Variants in CNKSR3 observed in about 807,000 individuals in gnomAD.
The protein encoded by CNKSR3 is CNKSR family member 3.
CNKSR3 carries 36 observed loss-of-function variants against 67.7 expected under a neutral mutation model. The ratio of observed to expected loss-of-function variants is 0.53; its 90% CI spans 0.41 to 0.70. The LOEUF (loss-of-function observed/expected upper bound fraction) is 0.70, where lower values mean the gene tolerates loss of function less well. Among genes scored for constraint, CNKSR3 ranks in the 30% least tolerant of loss-of-function variants. CNKSR3 has a pLI of 0.00. For missense variants in CNKSR3, 630 were observed against 695.2 expected, an observed-to-expected ratio of 0.91 and a Z score of 1.05; for synonymous variants, 281 against 271.4, an observed-to-expected ratio of 1.04 and a Z score of -0.35.
At chr6:154,454,107 AGAGAGAGAGAG>A (rs1785899677) in intron 1 of CNKSR3, among the ~76,000 whole-genome samples, 1 of 17,078 alleles carries the variant, frequency 5.9e-5, no homozygotes, top group African/African-American at 1.2e-4. Flanking sequence ...ACACACACAG[AGAGAGAGAGAG>A]AGAGAGAGAG....
chr6:154,462,493 T>C (rs1023256949), intron 1 of CNKSR3, among the ~76,000 whole-genome samples: 2 of 152,174 alleles, frequency 1.3e-5, no homozygotes, highest in Non-Finnish European at 2.9e-5. Flanking sequence ...AATGCACAAC[T>C]TCAATGCTCT....
At chr6:154,408,804 T>G (rs1334583817) in intron 12 of CNKSR3, among the ~76,000 whole-genome samples, 1 of 152,232 alleles carries the variant, frequency 6.6e-6, no homozygotes, top group African/African-American at 2.4e-5. Context: ...AACTGTTATT[T>G]TTTTAAGTGG....
chr6:154,484,695 C>CAAAAA (rs1166789172), intron 1 of CNKSR3, among the ~76,000 whole-genome samples: 9 of 65,516 alleles, frequency 1.4e-4, no homozygotes, highest in African/African-American at 3.7e-4. Context: ...GAGCAAGACT[C>CAAAAA]AAAAAAAAAA....
chr6:154,393,575 A>T lies in CNKSR3; in HGVS notation c.*12779T>A, dbSNP rs892096563. 3 of 152,208 alleles carry T rather than the reference A, an allele frequency of 2.0e-5. No individual in the cohort carries two copies. Among genetic ancestry groups the T allele is most frequent in the African/African-American group, 7.2e-5 (3 of 41,446 alleles). 9.4% of individuals were successfully genotyped at this position (152,208 alleles called of 1,614,324 possible). On this transcript the variant is annotated 3_prime_UTR_variant, in exon 13 of 13. Coordinates refer to ENST00000607772, the MANE Select transcript of CNKSR3 (RefSeq NM_173515.4). ...TATATTCTTACTGCTAACCCTTAGG[A>T]CTTTTTAATCTTCTCCCAATTTGTA...
At chr6:154,459,861 CAA>C (rs929782295) in intron 1 of CNKSR3, among the ~76,000 whole-genome samples, 6 of 152,208 alleles carry the variant, frequency 3.9e-5, no homozygotes, top group Non-Finnish European at 8.8e-5. Flanking sequence ...AACCAGAAAA[CAA>C]CAGTCAGACG....
intron 4 of CNKSR3, among the ~76,000 whole-genome samples, chr6:154,435,646 C>T (rs72995423): frequency 0.11 from 16,607 of 152,280 alleles, 1,291 homozygotes; most frequent in Non-Finnish European, 0.17. Flanking sequence ...TGTTTTTTGG[C>T]ATGAAGGCAA....
At chr6:154,475,330 CT>C (rs1163975635) in intron 1 of CNKSR3, among the ~76,000 whole-genome samples, 2 of 152,266 alleles carry the variant, frequency 1.3e-5, no homozygotes, top group African/African-American at 4.8e-5. Flanking sequence ...ATCTCTCCCC[CT>C]GGGCGCCCTT....
In CNKSR3 at chr6:154,397,267, T is replaced by G. The variant is rs149312747; in HGVS notation, c.*9087A>C. 44 of 152,316 alleles carry G rather than the reference T, an allele frequency of 2.9e-4. No individual in the cohort carries two copies. The highest frequency in any genetic ancestry group is 1.7e-3 in the Admixed American group (26 of 15,290). The allele number at this position is 152,316 out of a possible 1,614,324, so 9.4% of individuals were successfully genotyped here. A position where few individuals can be genotyped will look rare whatever the true frequency, so the allele number is the denominator to read the frequency against. The stretch of plus-strand genomic sequence containing the variant: ...CATTGAGGAGAAATCTGCAGAAGGG[T>G]AGCACTTTCTAGTAAAACATAGTAC... On this transcript the variant is annotated 3_prime_UTR_variant, in exon 13 of 13. Transcript: ENST00000607772.
chr6:154,474,500 A>G (rs1186668596), intron 1 of CNKSR3, among the ~76,000 whole-genome samples: 1 of 152,148 alleles, frequency 6.6e-6, no homozygotes, highest in African/African-American at 2.4e-5. Flanking sequence ...CTTGGAACTA[A>G]TGGAAAACAA....
chr6:154,440,547 C>T (rs985565491), intron 4 of CNKSR3, among the ~76,000 whole-genome samples: 2 of 152,182 alleles, frequency 1.3e-5, no homozygotes, highest in Non-Finnish European at 2.9e-5. Flanking sequence ...CAATCAGTTA[C>T]AGACTGGCTA....
intron 2 of CNKSR3, among the ~76,000 whole-genome samples, chr6:154,449,032 A>G (rs981777355): frequency 2.6e-5 from 4 of 152,104 alleles, no homozygotes; most frequent in African/African-American, 9.7e-5. Flanking sequence ...ACACTAACCA[A>G]TTTATAAACA....
Position 154,402,980 on chromosome 6 carries a change from G to A in CNKSR3, c.*3374C>T, listed in dbSNP as rs951944015. ...ATATCTTATCTGTTTCAGTTAGAAC[G>A]TCACTGATGGGTATGTTTTAGAGGC... On this transcript the variant is annotated 3_prime_UTR_variant, in exon 13 of 13. Transcript: ENST00000607772. 2 of 152,056 alleles carry A rather than the reference G, an allele frequency of 1.3e-5. No homozygotes were observed. The highest frequency in any genetic ancestry group is 2.9e-5 in the Non-Finnish European group (2 of 68,030). The allele number at this position is 152,056 out of a possible 1,614,324, so 9.4% of individuals were successfully genotyped here. A position where few individuals can be genotyped will look rare whatever the true frequency, so the allele number is the denominator to read the frequency against.
chr6:154,476,209 C>T (rs9397723), intron 1 of CNKSR3, among the ~76,000 whole-genome samples: 1 of 151,894 alleles, frequency 6.6e-6, no homozygotes, highest in Admixed American at 6.6e-5. Flanking sequence ...GTAATTCCAG[C>T]ACTTTGGGAG....
chr6:154,464,080 C>T (rs990201429), intron 1 of CNKSR3, among the ~76,000 whole-genome samples: 1 of 152,150 alleles, frequency 6.6e-6, no homozygotes, highest in Non-Finnish European at 1.5e-5. Context: ...TAAGATCATA[C>T]GAGGCCAGAA....
intron 1 of CNKSR3, 93 bp downstream of exon 1, chr6:154,509,970 C>T: frequency 7.1e-7 from 1 of 1,413,086 alleles, no homozygotes; most frequent in Non-Finnish European, 1.0e-6. Flanking sequence ...CCGCTTCTCG[C>T]CGGGAGGAAG....
At position 154,476,278 on chromosome 6, in the gene CNKSR3, G is replaced by A. The variant is rs1026439694; in HGVS notation, c.53-26020C>T. ...TCAAGACCAGCCTGGCGAACATGGC[G>A]AGACCCTGTCTCTACTAAAAACACA... is the stretch of plus-strand genomic sequence containing the variant. On this transcript the variant is annotated intron_variant, in intron 1 of 12. Coordinates refer to ENST00000607772, the MANE Select transcript of CNKSR3 (RefSeq NM_173515.4). 5.3e-5 allele frequency among the ~76,000 whole-genome samples: 8 copies of A among 152,098 alleles called. No homozygotes were observed. In the East Asian group the frequency reaches 1.2e-3, roughly 22 times the overall value.
rs1459979799 is a variant in CNKSR3 at position 154,422,941 on chromosome 6, C to T, written c.772G>A (p.Val258Ile). ...RSQKIHAGDE[V>I]IQVNQQTVVG... is the part of the protein sequence containing the mutation. Reference sequence around the variant, plus strand: ...ACAGTTTGCTGATTAACTTGAATGACTTCGTCACCAGCATGAATCTTCTGA... The same window carrying T: ...ACAGTTTGCTGATTAACTTGAATGATTTCGTCACCAGCATGAATCTTCTGA... The change falls in exon 8 of 13, where the codon GTC becomes ATC. Residue 258 changes from valine (V) to isoleucine (I), a missense_variant. Transcript: ENST00000607772. 1.9e-6 allele frequency: 3 copies of T among 1,613,302 alleles called. No homozygotes were observed. The highest frequency in any genetic ancestry group is 2.5e-6 in the Non-Finnish European group (3 of 1,179,504).
intron 5 of CNKSR3, 64 bp from the exon 6 acceptor site, chr6:154,430,655 T>C: frequency 6.7e-7 from 1 of 1,491,114 alleles, no homozygotes; most frequent in South Asian, 1.2e-5. Context: ...CTCAAGCTGA[T>C]TTTTAGAGAA....
chr6:154,409,269 C>T (rs1784861062), intron 12 of CNKSR3, among the ~76,000 whole-genome samples: 1 of 152,188 alleles, frequency 6.6e-6, no homozygotes, highest in Non-Finnish European at 1.5e-5. Context: ...TGTACTTTAA[C>T]TTTTCAACTG....
Sources: gnomAD v4.1 joint callset for allele counts (sites outside exome capture counted in the v4.1 genomes callset) on GRCh38, gnomAD v4.1.1 for gene constraint, MANE v1.5 for transcripts, NCBI Gene and HGNC (gene_info 2026-07-23, HGNC 2026-07-21) for gene names.